Variants in PRKG2 observed in about 807,000 individuals in gnomAD.
PRKG2 encodes cGMP-dependent protein kinase 2.
Under a neutral mutation model 97.2 loss-of-function variants are expected in PRKG2, and 33 were observed. The ratio of observed to expected loss-of-function variants is 0.34; its 90% CI spans 0.26 to 0.45. The LOEUF is 0.45. Among genes scored for constraint, PRKG2 ranks in the 20% least tolerant of loss-of-function variants. PRKG2 has a pLI of 1.00. For synonymous variants in PRKG2, 330 were observed against 321.8 expected, an observed-to-expected ratio of 1.03 and a Z score of -0.27; for missense variants, 638 against 900.0, an observed-to-expected ratio of 0.71 and a Z score of 3.73.
intron 3 of PRKG2, among the ~76,000 whole-genome samples, chr4:81,172,905 T>A (rs1191647712): frequency 6.6e-6 from 1 of 152,108 alleles, no homozygotes; most frequent in South Asian, 2.1e-4. Flanking sequence ...ATAGAATTTA[T>A]ACTAGCAAGG....
intron 17 of PRKG2, among the ~76,000 whole-genome samples, chr4:81,100,631 A>G (rs1271940208): frequency 6.6e-6 from 1 of 152,212 alleles, no homozygotes; most frequent in East Asian, 1.9e-4. Flanking sequence ...AATTCTAGGC[A>G]ATACCATTCA....
At chr4:81,179,017 T>C (rs889004639) in intron 2 of PRKG2, among the ~76,000 whole-genome samples, 3 of 151,612 alleles carry the variant, frequency 2.0e-5, no homozygotes, top group African/African-American at 7.3e-5. Context: ...CCCAGCTACT[T>C]TGGAGGCTGA....
chr4:81,215,274 G>C (rs755819665), upstream of PRKG2, among the ~76,000 whole-genome samples: 19 of 152,180 alleles, frequency 1.2e-4, no homozygotes, highest in Non-Finnish European at 2.5e-4. Flanking sequence ...AGGAGGGAGG[G>C]GGTCAGCCGG....
Position 81,110,750 on chromosome 4 carries a change from A to ACAAAGAG in PRKG2, c.1777-140_1777-139insCTCTTTG, listed in dbSNP as rs1553919002. On this transcript the variant is annotated intron_variant, in intron 14 of 18. Coordinates refer to ENST00000264399, the MANE Select transcript of PRKG2 (RefSeq NM_006259.3). Reference sequence around the variant, plus strand: ...ATGCACACACACACACACACACACAAAGAGAGAGAGAGAGAGACAGACAGA... The same window carrying ACAAAGAG: ...ATGCACACACACACACACACACACAACAAAGAGAGAGAGAGAGAGAGAGACAGACAGA... The ACAAAGAG allele has an allele frequency of 0.016, 5,838 of 358,022 alleles. 313 individuals are homozygous for ACAAAGAG. The African/African-American group carries it at 0.17, about 11-fold the overall frequency. The allele number at this position is 358,022 out of a possible 1,614,324, so 22.2% of individuals were successfully genotyped here. A position where few individuals can be genotyped will look rare whatever the true frequency, so the allele number is the denominator to read the frequency against.
chr4:81,148,714 T>C (rs563319318), intron 9 of PRKG2, among the ~76,000 whole-genome samples, 170 bp downstream of exon 9: 1 of 152,252 alleles, frequency 6.6e-6, no homozygotes, highest in South Asian at 2.1e-4. Flanking sequence ...CCGATTCAGA[T>C]CAGAAGGCCC....
At chr4:81,211,534 A>G (rs548159165) in intron 1 of PRKG2, among the ~76,000 whole-genome samples, 11 of 152,326 alleles carry the variant, frequency 7.2e-5, no homozygotes, top group Non-Finnish European at 1.3e-4. Flanking sequence ...CTTAAGATAC[A>G]CTAAGTTCTC....
At position 81,204,965 on chromosome 4, in the gene PRKG2, T is replaced by C. The variant is rs1355655926; in HGVS notation, c.83A>G (p.Asn28Ser). Residue 28 changes from asparagine (N) to serine (S), a missense_variant, in exon 2 of 19, where the codon AAC (asparagine) becomes AGC (serine). Transcript: ENST00000264399. Reference protein sequence around the residue: ...SGNLTTDALRNKVTELERELR... With the variant: ...SGNLTTDALRSKVTELERELR... ...CTCTCTCTCCAGCTCTGTCACCTTG[T>C]TCCGCAGAGCATCAGTGGTGAGGTT... 2 of 1,614,146 alleles carry C rather than the reference T, an allele frequency of 1.2e-6. No homozygotes were observed. Among genetic ancestry groups the C allele is most frequent in the East Asian group, 4.5e-5 (2 of 44,862 alleles).
At chr4:81,136,980 C>A (rs958597592) in intron 13 of PRKG2, among the ~76,000 whole-genome samples, 2 of 152,108 alleles carry the variant, frequency 1.3e-5, no homozygotes, top group African/African-American at 2.4e-5. Context: ...GCAAAAATCA[C>A]CCCCTTGTGT....
chr4:81,193,608 G>C (rs1578507803), intron 2 of PRKG2, among the ~76,000 whole-genome samples: 1 of 152,254 alleles, frequency 6.6e-6, no homozygotes, highest in East Asian at 1.9e-4. Flanking sequence ...GGGAGGCCAA[G>C]GTGGGCAGAT....
chr4:81,089,680 G>A lies in PRKG2; in HGVS notation c.*28C>T, dbSNP rs368795780. The stretch of plus-strand genomic sequence containing the variant: ...GATCCTTGAGGTCCTCTTCTGTAGA[G>A]TACAGGCAGTAATCAACTTTTCTTC... On this transcript the variant is annotated 3_prime_UTR_variant, in exon 19 of 19. Coordinates refer to ENST00000264399, the MANE Select transcript of PRKG2 (RefSeq NM_006259.3). 1 of 1,481,798 alleles carries A rather than the reference G, an allele frequency of 6.7e-7. No homozygotes were observed. The highest frequency in any genetic ancestry group is 9.4e-7 in the Non-Finnish European group (1 of 1,059,994). 91.8% of individuals were successfully genotyped at this position (1,481,798 alleles called of 1,614,324 possible).
At chr4:81,184,134 T>C (rs1751671481) in intron 2 of PRKG2, among the ~76,000 whole-genome samples, 1 of 152,180 alleles carries the variant, frequency 6.6e-6, no homozygotes, top group South Asian at 2.1e-4. Context: ...AGCACAGAGC[T>C]CGAGCTCTGC....
At chr4:81,128,048 T>C (rs1379964649) in intron 14 of PRKG2, among the ~76,000 whole-genome samples, 1 of 152,218 alleles carries the variant, frequency 6.6e-6, no homozygotes, top group Non-Finnish European at 1.5e-5. Flanking sequence ...AAAGGGGTGT[T>C]GAATTTTATC....
intron 2 of PRKG2, among the ~76,000 whole-genome samples, chr4:81,177,471 C>T (rs550955315): frequency 2.8e-4 from 43 of 152,138 alleles, no homozygotes; most frequent in African/African-American, 1.0e-3. Flanking sequence ...TTTGGGAGGC[C>T]GAGGCGGGCA....
chr4:81,135,599 C>A (rs1400260061), intron 13 of PRKG2, among the ~76,000 whole-genome samples: 2 of 152,122 alleles, frequency 1.3e-5, no homozygotes, highest in Non-Finnish European at 2.9e-5. Flanking sequence ...TTTCTTTAGA[C>A]ACCCATCACA....
Position 81,204,970 on chromosome 4 carries a change from C to T in PRKG2, c.78G>A (p.Leu26=), listed in dbSNP as rs1239657639. The change falls in exon 2 of 19, where the codon CTG becomes CTA. Residue 26 remains leucine, a synonymous_variant. Coordinates refer to ENST00000264399, the MANE Select transcript of PRKG2 (RefSeq NM_006259.3). ...GHSGNLTTDA[L]RNKVTELERE... is the part of the protein sequence containing the mutation. ...TCTCCAGCTCTGTCACCTTGTTCCGCAGAGCATCAGTGGTGAGGTTCCCAG... is the reference window on the plus strand; with the variant it reads ...TCTCCAGCTCTGTCACCTTGTTCCGTAGAGCATCAGTGGTGAGGTTCCCAG... 6.2e-7 allele frequency: 1 copy of T among 1,614,148 alleles called. No homozygotes were observed. The highest frequency in any genetic ancestry group is 1.7e-5 in the Admixed American group (1 of 60,014).
chr4:81,104,081 A>G (rs1327294898), intron 17 of PRKG2, among the ~76,000 whole-genome samples: 2 of 152,096 alleles, frequency 1.3e-5, no homozygotes. Context: ...AAGAATAATA[A>G]AGACAGAAGT....
rs188878262 is a variant in PRKG2, at chr4:81,179,091, A to C, written c.462-4132T>G. 1.4e-4 allele frequency among the ~76,000 whole-genome samples: 21 copies of C among 151,866 alleles called. No individual in the cohort carries two copies. In the East Asian group the frequency reaches 2.3e-3, roughly 17 times the overall value. Reference sequence around the variant, plus strand: ...AGTGAGCCGAGATTGTGCCACTTGCACTCCAGCCTGGCAGCAGAGTGAGAC... The same window carrying C: ...AGTGAGCCGAGATTGTGCCACTTGCCCTCCAGCCTGGCAGCAGAGTGAGAC... On this transcript the variant is annotated intron_variant, in intron 2 of 18. Coordinates refer to ENST00000264399, the MANE Select transcript of PRKG2 (RefSeq NM_006259.3).
chr4:81,189,066 T>TTAAAAAAAAAAAA (rs1560615683), intron 2 of PRKG2, among the ~76,000 whole-genome samples: 1 of 17,062 alleles, frequency 5.9e-5, no homozygotes, highest in Non-Finnish European at 7.7e-5. Context: ...AAAAAAATAA[T>TTAAAAAAAAAAAA]AAAAAAAAAA....
In PRKG2 at chr4:81,156,562, G is replaced by A. The variant is rs1275888637; in HGVS notation, c.913-2841C>T. Among the ~76,000 whole-genome samples the A allele has an allele frequency of 3.9e-5, 6 of 152,026 alleles. No individual in the cohort carries two copies. In the East Asian group the frequency reaches 9.6e-4, roughly 24 times the overall value. On this transcript the variant is annotated intron_variant, in intron 6 of 18. Transcript: ENST00000264399. The stretch of plus-strand genomic sequence containing the variant: ...CAAGAATACCCAGGAATTGAACTCA[G>A]CTCTGCACCAAGCTGACCTAATAGA...
Sources: allele counts gnomAD v4.1 joint callset (sites outside exome capture counted in the v4.1 genomes callset), GRCh38; gene constraint gnomAD v4.1.1; transcripts MANE v1.5; gene names NCBI Gene and HGNC (gene_info 2026-07-23, HGNC 2026-07-21).